Variants in ROBO2 observed in about 807,000 individuals in gnomAD.
ROBO2 encodes roundabout homolog 2.
Under a neutral mutation model 160.8 loss-of-function variants are expected in ROBO2, and 53 were observed. The observed-to-expected ratio is 0.33, with a 90% confidence interval of 0.26 to 0.41. The LOEUF (loss-of-function observed/expected upper bound fraction) is 0.41, where lower values mean the gene tolerates loss of function less well. Among genes scored for constraint, ROBO2 ranks in the 10% least tolerant of loss-of-function variants. The pLI, the probability that ROBO2 is intolerant of heterozygous loss-of-function variation, is 1.00. For synonymous variants in ROBO2, 664 were observed against 611.7 expected (o/e 1.09, Z -1.26); for missense variants, 1,577 against 1,722.4 (o/e 0.92, Z 1.49).
intron 2 of ROBO2, among the ~76,000 whole-genome samples, chr3:76,516,256 T>G (rs913522613): frequency 1.3e-5 from 2 of 152,158 alleles, no homozygotes; most frequent in Non-Finnish European, 2.9e-5. Flanking sequence ...AGACCCTCTA[T>G]AGCAGATGAC....
chr3:76,176,701 T>A (rs903932067), intron 2 of ROBO2, among the ~76,000 whole-genome samples: 6 of 152,092 alleles, frequency 3.9e-5, no homozygotes, highest in Non-Finnish European at 7.4e-5. Flanking sequence ...TTTTTTGCAT[T>A]TTTTCCTCAT....
intron 2 of ROBO2, among the ~76,000 whole-genome samples, chr3:76,609,401 G>A (rs1306115226): frequency 6.6e-6 from 1 of 151,826 alleles, no homozygotes; most frequent in East Asian, 1.9e-4. Context: ...TCTTTCATCA[G>A]TGTTTTATAA....
At chr3:76,077,249 A>G (rs1331307295) in intron 2 of ROBO2, among the ~76,000 whole-genome samples, 1 of 152,188 alleles carries the variant, frequency 6.6e-6, no homozygotes, top group Non-Finnish European at 1.5e-5. Flanking sequence ...GAAATCTTAC[A>G]TAAATTTCAT....
chr3:77,568,189 A>C (rs923766423), intron 12 of ROBO2, 124 bp from the exon 14 acceptor site: 64 of 1,050,896 alleles, frequency 6.1e-5, no homozygotes, highest in South Asian at 4.7e-4. Flanking sequence ...TTTTTGTCAC[A>C]AGAGAGTTTT....
chr3:77,257,415 G>A (rs757730997), intron 2 of ROBO2, among the ~76,000 whole-genome samples: 4 of 152,180 alleles, frequency 2.6e-5, no homozygotes, highest in Admixed American at 6.5e-5. Flanking sequence ...ACCTGGCAAA[G>A]TTTAATTGGC....
intron 2 of ROBO2, among the ~76,000 whole-genome samples, chr3:77,157,569 A>AGGCTGT (rs2078126206): frequency 6.6e-6 from 1 of 152,078 alleles, no homozygotes; most frequent in Non-Finnish European, 1.5e-5. Flanking sequence ...AGGTAACTGA[A>AGGCTGT]GGCTGTTGGA....
intron 2 of ROBO2, among the ~76,000 whole-genome samples, chr3:76,210,068 T>C (rs1225769887): frequency 6.6e-6 from 1 of 152,068 alleles, no homozygotes; most frequent in Non-Finnish European, 1.5e-5. Context: ...AGGAATAGCA[T>C]AAACCATTAA....
intron 2 of ROBO2, among the ~76,000 whole-genome samples, chr3:77,351,802 G>A (rs2068370790): frequency 1.3e-5 from 2 of 151,940 alleles, no homozygotes; most frequent in Admixed American, 1.3e-4. Context: ...ATAATCTGGG[G>A]TCTCCAACAA....
At chr3:75,908,058 T>C (rs1404962029) in intron 1 of ROBO2, among the ~76,000 whole-genome samples, 1 of 152,154 alleles carries the variant, frequency 6.6e-6, no homozygotes, top group Non-Finnish European at 1.5e-5. Context: ...TTGTGGGCCT[T>C]GCTGAATACC....
At chr3:76,574,712 T>G (rs1351322756) in intron 2 of ROBO2, among the ~76,000 whole-genome samples, 1 of 152,024 alleles carries the variant, frequency 6.6e-6, no homozygotes, top group African/African-American at 2.4e-5. Context: ...AATACATCTG[T>G]GAAATAGAAC....
intron 2 of ROBO2, among the ~76,000 whole-genome samples, chr3:77,319,306 T>C (rs1005753930): frequency 6.6e-6 from 1 of 152,190 alleles, no homozygotes; most frequent in African/African-American, 2.4e-5. Context: ...TCCTGTATTG[T>C]TTAATGTCTC....
chr3:77,317,589 A>G lies in ROBO2; in HGVS notation c.389-159825A>G. The G allele has an allele frequency of 3.2e-6, 4 of 1,239,668 alleles. No individual in the cohort carries two copies. In the Admixed American group the frequency reaches 7.9e-5, roughly 25 times the overall value. The allele number at this position is 1,239,668 out of a possible 1,614,324, so 76.8% of individuals were successfully genotyped here. ...CTAGCAGATTTGCCAAGATCGGCAT[A>G]CGTGGGTGGCACAGCCGTCTTCTGC... On this transcript the variant is annotated intron_variant, in intron 2 of 25. Coordinates refer to ENST00000461745, the Ensembl canonical transcript of ROBO2.
At chr3:77,117,196 T>G (rs1225521851) in intron 2 of ROBO2, among the ~76,000 whole-genome samples, 1 of 152,184 alleles carries the variant, frequency 6.6e-6, no homozygotes, top group African/African-American at 2.4e-5. Context: ...TTTGATGAAA[T>G]AGTTACTTGG....
chr3:76,820,102 T>G (rs2065987667), intron 2 of ROBO2, among the ~76,000 whole-genome samples: 1 of 152,054 alleles, frequency 6.6e-6, no homozygotes, highest in Non-Finnish European at 1.5e-5. Context: ...TGTCAGTTAT[T>G]GAAAAAGGCC....
At chr3:76,085,620 G>T (rs2068986336) in intron 2 of ROBO2, among the ~76,000 whole-genome samples, 1 of 152,164 alleles carries the variant, frequency 6.6e-6, no homozygotes, top group Admixed American at 6.6e-5. Context: ...CTAGAGGTCA[G>T]ATCACAGAGC....
At chr3:77,583,939 C>A (rs1330152889) in intron 16 of ROBO2, among the ~76,000 whole-genome samples, 1 of 152,124 alleles carries the variant, frequency 6.6e-6, no homozygotes, top group East Asian at 1.9e-4. Flanking sequence ...AAGGCATGAT[C>A]CTCTCCTGGG....
At position 77,218,219 on chromosome 3, in the gene ROBO2, T is replaced by C. The variant is rs956196506; in HGVS notation, c.388+119879T>C. Among the ~76,000 whole-genome samples the C allele has an allele frequency of 3.9e-5, 6 of 152,126 alleles. 1 individual carries two copies. Among genetic ancestry groups the C allele is most frequent in the South Asian group, 4.1e-4 (2 of 4,824 alleles). On this transcript the variant is annotated intron_variant, in intron 2 of 25. Transcript: ENST00000461745. ...GTATTAAAAAGCAAATTCTTCAAAC[T>C]CTGTACTTCCACCATGCCTGCCCAC...
At chr3:76,365,337 A>C (rs2075753989) in intron 2 of ROBO2, among the ~76,000 whole-genome samples, 1 of 152,080 alleles carries the variant, frequency 6.6e-6, no homozygotes, top group African/African-American at 2.4e-5. Flanking sequence ...TAAACTGTAA[A>C]GAAAAATACT....
At chr3:76,178,869 A>G (rs138038215) in intron 2 of ROBO2, among the ~76,000 whole-genome samples, 2,888 of 152,184 alleles carry the variant, frequency 0.019, 112 homozygotes, top group African/African-American at 0.065. Flanking sequence ...TGAACCTGAG[A>G]GGCGGAGGTT....
Sources: gnomAD v4.1 joint callset for allele counts (sites outside exome capture counted in the v4.1 genomes callset) on GRCh38, gnomAD v4.1.1 for gene constraint, MANE v1.5 for transcripts, NCBI Gene and HGNC (gene_info 2026-07-23, HGNC 2026-07-21) for gene names.